Variants in FIGNL2 observed in about 807,000 individuals in gnomAD.
FIGNL2 encodes the protein fidgetin like 2.
For missense variants in FIGNL2, 1,060 were observed against 950.2 expected (o/e 1.12, Z -1.52); for synonymous variants, 565 against 484.0 (o/e 1.17, Z -2.20).
At chr12:51,835,477 T>C (rs2138994015) in intron 1 of FIGNL2, 1 of 152,376 alleles carries the variant, frequency 6.6e-6, no homozygotes, top group Admixed American at 6.5e-5. Context: ...AGGGGCAGAA[T>C]TGGCACTTGC....
In FIGNL2 at chr12:51,820,382, T is replaced by C; in HGVS notation, c.*70A>G. On this transcript the variant is annotated 3_prime_UTR_variant, in exon 2 of 2. Coordinates refer to ENST00000618634, the MANE Select transcript of FIGNL2 (RefSeq NM_001384995.1). The stretch of plus-strand genomic sequence containing the variant: ...GCCCCTGCCAGCCGGGTTTAGTCAG[T>C]GACATCCCTCCCACGCGGAGGCGGC... The C allele has an allele frequency of 5.2e-6, 8 of 1,532,758 alleles. No individual in the cohort carries two copies. The highest frequency in any genetic ancestry group is 2.4e-5 in the East Asian group (1 of 40,956). The allele number at this position is 1,532,758 out of a possible 1,614,324, so 94.9% of individuals were successfully genotyped here.
chr12:51,841,831 A>T (rs1441359746), intron 1 of FIGNL2: 3 of 152,120 alleles, frequency 2.0e-5, no homozygotes, highest in African/African-American at 7.2e-5. Context: ...TCTCTGCACG[A>T]CCGTGGCGGC....
chr12:51,844,992 G>C (rs1592196941), intron 1 of FIGNL2: 1 of 531,096 alleles, frequency 1.9e-6, no homozygotes, highest in East Asian at 1.5e-4. Context: ...GATGGACTGG[G>C]GTGAGGGTTT....
At chr12:51,844,414 CA>C (rs1372464472) in intron 1 of FIGNL2, among the ~76,000 whole-genome samples, 1 of 152,176 alleles carries the variant, frequency 6.6e-6, no homozygotes, top group Non-Finnish European at 1.5e-5. Flanking sequence ...AGAAGGCACT[CA>C]GGGGGTTCGC....
At position 51,821,772 on chromosome 12, in the gene FIGNL2, G is replaced by T. The variant is rs1939207439; in HGVS notation, c.642C>A (p.Pro214=). The part of the protein sequence containing the change: ...NYPAGGYAAQ[P]GYGALPPPPG... ...GGGGCGGCGGGAGCGCGCCATAGCC[G>T]GGCTGCGCTGCGTAGCCCCCTGCGG... Residue 214 remains proline, a synonymous_variant, in exon 2 of 2, where the codon CCC becomes CCA. Transcript: ENST00000618634. 8 of 1,279,634 alleles carry T rather than the reference G, an allele frequency of 6.3e-6. No homozygotes were observed. The highest frequency in any genetic ancestry group is 7.8e-6 in the Non-Finnish European group (8 of 1,019,790). 79.3% of individuals were successfully genotyped at this position (1,279,634 alleles called of 1,614,324 possible).
At chr12:51,836,942 A>G (rs1592193653) in intron 1 of FIGNL2, among the ~76,000 whole-genome samples, 1 of 148,884 alleles carries the variant, frequency 6.7e-6, no homozygotes, top group Non-Finnish European at 1.5e-5. Context: ...GCTGCCAGAA[A>G]CCCCCCTCCT....
chr12:51,836,347 C>G (rs1315933029), intron 1 of FIGNL2, among the ~76,000 whole-genome samples: 1 of 152,114 alleles, frequency 6.6e-6, no homozygotes, highest in Non-Finnish European at 1.5e-5. Flanking sequence ...CTGCTCAACA[C>G]CCCTCCCCCA....
intron 1 of FIGNL2, among the ~76,000 whole-genome samples, chr12:51,828,966 C>T (rs1000081908): frequency 1.2e-4 from 19 of 152,208 alleles, no homozygotes; most frequent in Admixed American, 1.1e-3. Flanking sequence ...CCGAAGGAGA[C>T]CCCCAAGATT....
chr12:51,847,479 A>C (rs1939776361), intron 1 of FIGNL2: 2 of 985,292 alleles, frequency 2.0e-6, no homozygotes, highest in African/African-American at 3.5e-5. Flanking sequence ...TTCTCCTCCA[A>C]ATTAGGTATC....
At chr12:51,825,074 A>G (rs1555233284) in intron 1 of FIGNL2, among the ~76,000 whole-genome samples, 2 of 152,014 alleles carry the variant, frequency 1.3e-5, no homozygotes, top group Non-Finnish European at 2.9e-5. Context: ...AAGTTACACA[A>G]ATGCAAGTAT....
intron 1 of FIGNL2, among the ~76,000 whole-genome samples, chr12:51,829,359 T>C (rs572648369): frequency 2.2e-4 from 33 of 152,208 alleles, no homozygotes; most frequent in African/African-American, 7.2e-4. Flanking sequence ...GCCCTCTCCC[T>C]CATGCCAACC....
chr12:51,830,646 T>C (rs145487478), intron 1 of FIGNL2, among the ~76,000 whole-genome samples: 18 of 151,370 alleles, frequency 1.2e-4, no homozygotes, highest in Admixed American at 2.0e-4. Context: ...CGCCCACCAC[T>C]ACACCCAGCT....
intron 1 of FIGNL2, chr12:51,848,151 C>T: frequency 1.0e-6 from 1 of 984,954 alleles, no homozygotes; most frequent in Non-Finnish European, 1.2e-6. Context: ...GGCCGGCCCT[C>T]GGGCTCCGGA....
intron 1 of FIGNL2, among the ~76,000 whole-genome samples, chr12:51,824,662 C>A (rs996535774): frequency 6.6e-6 from 1 of 152,188 alleles, no homozygotes; most frequent in East Asian, 1.9e-4. Context: ...CTCCAAAGAT[C>A]AGAGGCATTA....
chr12:51,837,044 C>G (rs1435234132), intron 1 of FIGNL2, among the ~76,000 whole-genome samples: 2 of 152,124 alleles, frequency 1.3e-5, no homozygotes, highest in Non-Finnish European at 2.9e-5. Flanking sequence ...ACCGCTCAAC[C>G]TGCAACTGAC....
rs79721931 is a variant in FIGNL2, at chr12:51,827,821, C to T, written c.-11-5397G>A. ...GTGTACAGAACCAGCGCCTGTTCTA[C>T]GTTTTACATCTCTAATGCAGCCGTC... On this transcript the variant is annotated intron_variant, in intron 1 of 1. Coordinates refer to ENST00000618634, the MANE Select transcript of FIGNL2 (RefSeq NM_001384995.1). Among the ~76,000 whole-genome samples the T allele has an allele frequency of 3.9e-3, 588 of 152,312 alleles. 2 individuals carry two copies. The highest frequency in any genetic ancestry group is 0.013 in the African/African-American group (540 of 41,570).
rs1346103722 is a variant in FIGNL2, at chr12:51,822,088, G to A, written c.326C>T (p.Ala109Val). The A allele has an allele frequency of 6.2e-7, 1 of 1,611,244 alleles. No individual in the cohort carries two copies. Among genetic ancestry groups the A allele is most frequent in the South Asian group, 1.1e-5 (1 of 90,492 alleles). Residue 109 changes from alanine to valine, a missense_variant, in exon 2 of 2, where the codon GCC becomes GTC. Ala to Val is a moderately conservative substitution (Grantham distance 64). Coordinates refer to ENST00000618634, the MANE Select transcript of FIGNL2 (RefSeq NM_001384995.1). The part of the protein sequence containing the change: ...WPGPEPPYPL[A>V]SLHEGLPGTK... ...TCCTGGGAGGCCTTCGTGGAGTGAG[G>A]CCAAGGGGTAGGGTGGCTCCGGCCC...
At chr12:51,840,919 A>C (rs1363778645) in intron 1 of FIGNL2, among the ~76,000 whole-genome samples, 1 of 152,168 alleles carries the variant, frequency 6.6e-6, no homozygotes, top group African/African-American at 2.4e-5. Flanking sequence ...CAAAAGGCTT[A>C]AGCTTTAAAG....
chr12:51,840,464 G>A (rs970252102), intron 1 of FIGNL2, among the ~76,000 whole-genome samples: 1 of 152,210 alleles, frequency 6.6e-6, no homozygotes, highest in East Asian at 1.9e-4. Context: ...GGCCAGGCAC[G>A]GTGGTTCACG....
Sources: gnomAD v4.1 joint callset for allele counts (sites outside exome capture counted in the v4.1 genomes callset) on GRCh38, gnomAD v4.1.1 for gene constraint, MANE v1.5 for transcripts, NCBI Gene and HGNC (gene_info 2026-07-23, HGNC 2026-07-21) for gene names.